The following RBFOX1 variants were observed in gnomAD, a reference collection of about 807,000 sequenced individuals.
RBFOX1 encodes the protein RNA binding protein fox-1 homolog 1.
RBFOX1 carries 8 observed loss-of-function variants against 57.7 expected under a neutral mutation model. The ratio of observed to expected loss-of-function variants is 0.14; its 90% CI spans 0.08 to 0.25. The LOEUF (loss-of-function observed/expected upper bound fraction) is 0.25, where lower values mean the gene tolerates loss of function less well. RBFOX1 is among the 10% of genes least tolerant of loss of function. RBFOX1 has a pLI of 1.00. For missense variants in RBFOX1, 611 were observed against 548.5 expected, an observed-to-expected ratio of 1.11 and a Z score of -1.14; for synonymous variants, 326 against 222.4, an observed-to-expected ratio of 1.47 and a Z score of -4.15.
At chr16:5,951,014 G>C (rs1003990119) in intron 4 of RBFOX1, among the ~76,000 whole-genome samples, 1 of 152,110 alleles carries the variant, frequency 6.6e-6, no homozygotes, top group Non-Finnish European at 1.5e-5. Context: ...TTTCATCACT[G>C]TCTCTCCAGG....
At chr16:6,042,039 C>G (rs2095441809) in intron 1 of RBFOX1, among the ~76,000 whole-genome samples, 2 of 151,924 alleles carry the variant, frequency 1.3e-5, no homozygotes, top group South Asian at 2.1e-4. Flanking sequence ...CCTCCATCTT[C>G]AAAGCCAGCA....
At chr16:7,380,073 G>T (rs2097760929) in intron 4 of RBFOX1, among the ~76,000 whole-genome samples, 1 of 152,052 alleles carries the variant, frequency 6.6e-6, no homozygotes, top group South Asian at 2.1e-4. Context: ...TCCTGGGCTG[G>T]TCTGGAACTC....
intron 4 of RBFOX1, among the ~76,000 whole-genome samples, chr16:7,092,585 G>T (rs1372120069): frequency 6.6e-6 from 1 of 152,132 alleles, no homozygotes; most frequent in Admixed American, 6.5e-5. Context: ...ATCCTTGCTA[G>T]TTCCTGGTAT....
At chr16:6,051,753 A>G (rs1477997144) in intron 1 of RBFOX1, among the ~76,000 whole-genome samples, 4 of 152,238 alleles carry the variant, frequency 2.6e-5, no homozygotes, top group Non-Finnish European at 4.4e-5. Context: ...TAGTAGAGAC[A>G]GGGTTTCATC....
intron 5 of RBFOX1, among the ~76,000 whole-genome samples, chr16:7,555,166 A>T (rs2087937346): frequency 6.6e-6 from 1 of 152,174 alleles, no homozygotes. Context: ...ACTCAGATTT[A>T]AGTACAGAAA....
At chr16:5,652,985 G>A (rs940585067) in intron 3 of RBFOX1, among the ~76,000 whole-genome samples, 3 of 152,244 alleles carry the variant, frequency 2.0e-5, no homozygotes, top group African/African-American at 7.2e-5. Context: ...AACCTGCTGA[G>A]CTGCTGTGCA....
At chr16:6,508,705 C>T (rs1342730543) in intron 2 of RBFOX1, among the ~76,000 whole-genome samples, 2 of 152,134 alleles carry the variant, frequency 1.3e-5, no homozygotes, top group Non-Finnish European at 2.9e-5. Context: ...TCTGCAGTTA[C>T]TTCATCCTAA....
intron 3 of RBFOX1, among the ~76,000 whole-genome samples, chr16:6,991,566 C>T (rs150166174): frequency 6.0e-4 from 91 of 152,150 alleles, no homozygotes; most frequent in African/African-American, 2.1e-3. Flanking sequence ...AGATGGGGTC[C>T]CACTCTGTCA....
chr16:7,129,793 GA>G (rs550285083), intron 4 of RBFOX1, among the ~76,000 whole-genome samples: 17 of 104,666 alleles, frequency 1.6e-4, no homozygotes, highest in Middle Eastern at 0.011. Flanking sequence ...TTATCACACT[GA>G]AAAAAAAAAT....
intron 2 of RBFOX1, among the ~76,000 whole-genome samples, chr16:6,356,853 G>T (rs1938917150): frequency 6.6e-6 from 1 of 152,146 alleles, no homozygotes; most frequent in South Asian, 2.1e-4. Flanking sequence ...AGTGAGTGTG[G>T]ATATGTGGGA....
rs140432527 is a variant in RBFOX1, at chr16:5,287,744, A to C, written c.219+47639A>C. Among the ~76,000 whole-genome samples, 341 of 152,292 alleles carry C rather than the reference A, an allele frequency of 2.2e-3. 2 individuals are homozygous for C. Among genetic ancestry groups the C allele is most frequent in the African/African-American group, 7.6e-3 (315 of 41,570 alleles). ...GAGCACAAATGAATGCACAGTTTCCAAGTTTTTGGTCATGCAGATTAATAT... is the reference window on the plus strand; with the variant it reads ...GAGCACAAATGAATGCACAGTTTCCCAGTTTTTGGTCATGCAGATTAATAT... On this transcript the variant is annotated intron_variant, in intron 1 of 2. Coordinates refer to the RBFOX1 transcript ENST00000585867.
intron 2 of RBFOX1, among the ~76,000 whole-genome samples, chr16:6,644,289 G>C (rs1210853862): frequency 6.6e-6 from 1 of 152,200 alleles, no homozygotes; most frequent in Non-Finnish European, 1.5e-5. Context: ...CTTTGCAAAG[G>C]AGACCATCTG....
intron 2 of RBFOX1, among the ~76,000 whole-genome samples, chr16:5,544,553 A>G (rs2045104234): frequency 6.6e-6 from 1 of 152,202 alleles, no homozygotes; most frequent in African/African-American, 2.4e-5. Context: ...AGAGAAATTA[A>G]TGAAATGAAA....
intron 4 of RBFOX1, among the ~76,000 whole-genome samples, chr16:7,408,417 G>C (rs2098382805): frequency 2.0e-5 from 3 of 152,192 alleles, no homozygotes; most frequent in African/African-American, 4.8e-5. Context: ...TCACTGCACA[G>C]AGATGAATGG....
chr16:7,606,692 C>G (rs1050563802), intron 9 of RBFOX1, among the ~76,000 whole-genome samples: 1 of 152,158 alleles, frequency 6.6e-6, no homozygotes, highest in Non-Finnish European at 1.5e-5. Flanking sequence ...TTGAAAGTTA[C>G]CTTAGATATC....
chr16:6,071,505 A>G (rs2095837866), intron 1 of RBFOX1, among the ~76,000 whole-genome samples: 1 of 150,764 alleles, frequency 6.6e-6, no homozygotes, highest in South Asian at 2.1e-4. Flanking sequence ...ACAAACCTGC[A>G]TGTGTAGTCC....
intron 4 of RBFOX1, among the ~76,000 whole-genome samples, chr16:5,998,135 C>G (rs1053906456): frequency 1.3e-5 from 2 of 152,112 alleles, no homozygotes; most frequent in Non-Finnish European, 1.5e-5. Context: ...TCTGTATAAA[C>G]CTACCAAGTC....
intron 1 of RBFOX1, among the ~76,000 whole-genome samples, chr16:6,043,721 G>C (rs1272656782): frequency 6.6e-6 from 1 of 152,152 alleles, no homozygotes; most frequent in Admixed American, 6.5e-5. Context: ...TTCCCAGGAA[G>C]CCAGTATGGA....
chr16:6,522,870 C>T lies in RBFOX1; in HGVS notation c.-63-131733C>T, dbSNP rs1299559069. On this transcript the variant is annotated intron_variant, in intron 2 of 15. Transcript: ENST00000550418. ...GCTCACAAACTTCTCTCTCTAGCCA[C>T]ACTCTTTGTTTCTCTTCCTTGATCC... is the stretch of plus-strand genomic sequence containing the variant. Among the ~76,000 whole-genome samples the T allele has an allele frequency of 2.6e-5, 4 of 152,268 alleles. No individual in the cohort carries two copies. In the East Asian group the frequency reaches 5.8e-4, roughly 22 times the overall value.
Sources: gnomAD v4.1 joint callset for allele counts (sites outside exome capture counted in the v4.1 genomes callset) on GRCh38, gnomAD v4.1.1 for gene constraint, MANE v1.5 for transcripts, NCBI Gene and HGNC (gene_info 2026-07-23, HGNC 2026-07-21) for gene names.